KLRD1: variants seen among roughly 807,000 people sequenced by gnomAD.
The protein encoded by KLRD1 is killer cell lectin like receptor D1, also known as natural killer cells antigen CD94.
In KLRD1, 21 loss-of-function variants were observed where a neutral mutation model predicts 22.6. The observed-to-expected ratio is 0.93, with a 90% CI of 0.66 to 1.34. The LOEUF is 1.34. Among genes scored for constraint, KLRD1 ranks in the 40% most tolerant of loss-of-function variants. The probability of loss-of-function intolerance (pLI) is 0.00; values close to 1 mark genes in which losing one functional copy is unlikely to be tolerated. For synonymous variants in KLRD1, 59 were observed against 71.1 expected (o/e 0.83, Z 0.85); for missense variants, 183 against 208.6 (o/e 0.88, Z 0.76).
At chr12:10,300,052 A>G (rs181268267), upstream of KLRD1, among the ~76,000 whole-genome samples, 9 of 152,298 alleles carry the variant, frequency 5.9e-5, no homozygotes, top group Non-Finnish European at 1.0e-4. Context: ...CCTCCACTGA[A>G]TTCTTCAACC....
At chr12:10,270,222 A>G (rs1298270535) in intron 1 of KLRD1, among the ~76,000 whole-genome samples, 1 of 152,240 alleles carries the variant, frequency 6.6e-6, no homozygotes, top group Non-Finnish European at 1.5e-5. Flanking sequence ...AACTGAATTG[A>G]TAAAATTACT....
At chr12:10,254,362 AGCTT>A (rs1157754192) in intron 1 of KLRD1, among the ~76,000 whole-genome samples, 7 of 138,342 alleles carry the variant, frequency 5.1e-5, no homozygotes, top group Non-Finnish European at 7.6e-5. Context: ...CGGGAGGCGG[AGCTT>A]GCTTGCAGTG....
At chr12:10,256,439 T>C (rs1373529530) in intron 1 of KLRD1, among the ~76,000 whole-genome samples, 1 of 92,126 alleles carries the variant, frequency 1.1e-5, no homozygotes, top group Non-Finnish European at 2.6e-5. Flanking sequence ...TTTTTTTTTT[T>C]TTTGTAGAGA....
chr12:10,253,980 A>G (rs577571121), intron 1 of KLRD1, among the ~76,000 whole-genome samples: 1 of 152,264 alleles, frequency 6.6e-6, no homozygotes, highest in South Asian at 2.1e-4. Context: ...TAAAACTATA[A>G]AAACGCTGGA....
At chr12:10,273,756 G>A (rs1232518996) in intron 1 of KLRD1, among the ~76,000 whole-genome samples, 1 of 151,578 alleles carries the variant, frequency 6.6e-6, no homozygotes, top group Non-Finnish European at 1.5e-5. Context: ...GTAAAATGAT[G>A]AAAGTATAAT....
chr12:10,313,503 T>C lies in KLRD1; in HGVS notation c.409T>C (p.Ser137Pro). 3 of 1,569,706 alleles carry C rather than the reference T, an allele frequency of 1.9e-6. No individual in the cohort carries two copies. The highest frequency in any genetic ancestry group is 2.6e-6 in the Non-Finnish European group (3 of 1,154,174). Residue 137 changes from serine to proline, a missense_variant, in exon 5 of 6, where the codon TCC becomes CCC. Transcript: ENST00000336164. ...AWLWENGSAL[S>P]QYLFPSFETF... The stretch of plus-strand genomic sequence containing the variant: ...GTTGTGGGAGAATGGCTCTGCACTC[T>C]CCCAGTATCTGTAAGTTTCTGGCAA...
chr12:10,287,418 A>G (rs183053926), intron 1 of KLRD1, among the ~76,000 whole-genome samples: 14 of 152,286 alleles, frequency 9.2e-5, no homozygotes, highest in Non-Finnish European at 2.1e-4. Flanking sequence ...ATAGGTTGCA[A>G]AAAAATGTTA....
intron 1 of KLRD1, among the ~76,000 whole-genome samples, chr12:10,242,327 C>G (rs1949249339): frequency 6.6e-6 from 1 of 151,918 alleles, no homozygotes; most frequent in African/African-American, 2.4e-5. Context: ...AAATCATTAA[C>G]AAATATTAAC....
upstream of KLRD1, among the ~76,000 whole-genome samples, chr12:10,303,965 G>A (rs1949888912): frequency 6.6e-6 from 1 of 152,114 alleles, no homozygotes; most frequent in Non-Finnish European, 1.5e-5. Context: ...AAGATGAAAG[G>A]CAAGGAGTGT....
chr12:10,254,965 T>A (rs1350812578), intron 1 of KLRD1, among the ~76,000 whole-genome samples: 1 of 146,758 alleles, frequency 6.8e-6, no homozygotes, highest in Non-Finnish European at 1.5e-5. Context: ...AAAGAAGACA[T>A]ACTTGTGGCC....
chr12:10,284,783 G>A (rs1400432200), intron 1 of KLRD1, among the ~76,000 whole-genome samples: 1 of 152,012 alleles, frequency 6.6e-6, no homozygotes, highest in Admixed American at 6.6e-5. Flanking sequence ...TCAGAAGTTC[G>A]AGACCAGCCT....
chr12:10,239,903 A>C (rs971164416), intron 1 of KLRD1, among the ~76,000 whole-genome samples: 1 of 151,724 alleles, frequency 6.6e-6, no homozygotes, highest in Non-Finnish European at 1.5e-5. Context: ...CAGCCTTCCA[A>C]AGTGTTGGGA....
chr12:10,310,463 A>T (rs1407887262), intron 3 of KLRD1, among the ~76,000 whole-genome samples: 1 of 152,134 alleles, frequency 6.6e-6, no homozygotes, highest in South Asian at 2.1e-4. Context: ...AATGCGCCCC[A>T]AGTTGTCTCA....
At chr12:10,279,908 C>T (rs2137652749) in intron 1 of KLRD1, among the ~76,000 whole-genome samples, 1 of 152,316 alleles carries the variant, frequency 6.6e-6, no homozygotes, top group South Asian at 2.1e-4. Flanking sequence ...ATAGTGGTCA[C>T]CACATCCAGG....
At chr12:10,288,202 CA>C (rs1376491937) in intron 1 of KLRD1, among the ~76,000 whole-genome samples, 1 of 149,414 alleles carries the variant, frequency 6.7e-6, no homozygotes, top group Non-Finnish European at 1.5e-5. Flanking sequence ...GATATTGCGC[CA>C]CTGCACTCCA....
chr12:10,284,880 C>G (rs1949685700), intron 1 of KLRD1, among the ~76,000 whole-genome samples: 1 of 152,064 alleles, frequency 6.6e-6, no homozygotes, highest in South Asian at 2.1e-4. Context: ...ACTCAGGAGG[C>G]TGAGGCAGGA....
At chr12:10,255,082 GT>G (rs1949382346) in intron 1 of KLRD1, among the ~76,000 whole-genome samples, 2 of 132,340 alleles carry the variant, frequency 1.5e-5, no homozygotes. Flanking sequence ...TTATTAAAAA[GT>G]CAAAAAATAA....
At position 10,309,238 on chromosome 12, in the gene KLRD1, G is replaced by A. The variant is rs934817784; in HGVS notation, c.8-150G>A. 38 of 551,304 alleles carry A rather than the reference G, an allele frequency of 6.9e-5. 1 individual carries two copies. Among genetic ancestry groups the A allele is most frequent in the African/African-American group, 3.4e-4 (18 of 53,438 alleles). 34.2% of individuals were successfully genotyped at this position (551,304 alleles called of 1,614,324 possible). A position where few individuals can be genotyped will look rare whatever the true frequency, so the allele number is the denominator to read the frequency against. On this transcript the variant is annotated intron_variant, in intron 1 of 5. Coordinates refer to ENST00000336164, the MANE Select transcript of KLRD1 (RefSeq NM_002262.5). ...AAATGTTGGTATTGGGTGAAGTCCC[G>A]ATTGGAAAGTCTTCAGTGTTTTATT... is the stretch of plus-strand genomic sequence containing the variant.
chr12:10,269,214 G>A (rs540599700), intron 1 of KLRD1, among the ~76,000 whole-genome samples: 1 of 152,128 alleles, frequency 6.6e-6, no homozygotes, highest in Non-Finnish European at 1.5e-5. Context: ...GCAGTGGTGT[G>A]ATTTCGGCTC....
Sources: gnomAD v4.1 joint callset for allele counts (sites outside exome capture counted in the v4.1 genomes callset) on GRCh38, gnomAD v4.1.1 for gene constraint, MANE v1.5 for transcripts, NCBI Gene and HGNC (gene_info 2026-07-23, HGNC 2026-07-21) for gene names.